Variants in KAZN observed in about 807,000 individuals in gnomAD.
KAZN encodes kazrin.
A neutral mutation model predicts 87.4 loss-of-function variants in KAZN; 40 were observed. The ratio of observed to expected loss-of-function variants is 0.46; its 90% CI spans 0.36 to 0.60. The LOEUF is 0.60. KAZN is among the 20% of genes least tolerant of loss of function. The probability of loss-of-function intolerance (pLI) is 0.00; values close to 1 mark genes in which losing one functional copy is unlikely to be tolerated. For synonymous variants in KAZN, 466 were observed against 458.3 expected (o/e 1.02, Z -0.22); for missense variants, 898 against 1,073.9 (o/e 0.84, Z 2.29).
At chr1:15,082,049 G>GGTGATGGAGACTCAGGA (rs1553186547) in intron 8 of KAZN, among the ~76,000 whole-genome samples, 3 of 152,202 alleles carry the variant, frequency 2.0e-5, no homozygotes, top group Non-Finnish European at 4.4e-5. Context: ...ACAGGGGACA[G>GGTGATGGAGACTCAGGA]GTGATGGAGA....
At chr1:14,635,787 G>A (rs1679932176) in intron 1 of KAZN, among the ~76,000 whole-genome samples, 1 of 152,214 alleles carries the variant, frequency 6.6e-6, no homozygotes, top group African/African-American at 2.4e-5. Flanking sequence ...CTGATATCCA[G>A]TGGGTGGAGG....
At chr1:14,673,747 T>A (rs914647971) in intron 1 of KAZN, among the ~76,000 whole-genome samples, 2 of 152,212 alleles carry the variant, frequency 1.3e-5, no homozygotes, top group Non-Finnish European at 2.9e-5. Flanking sequence ...ACAAAATCTT[T>A]GCTGAATTCT....
chr1:14,474,133 T>C (rs1177262199), intron 2 of KAZN, among the ~76,000 whole-genome samples: 1 of 152,124 alleles, frequency 6.6e-6, no homozygotes, highest in Non-Finnish European at 1.5e-5. Flanking sequence ...GAGAACCTCC[T>C]AGAAGGTAGT....
At chr1:14,446,204 A>G (rs1219674955) in intron 2 of KAZN, among the ~76,000 whole-genome samples, 1 of 152,128 alleles carries the variant, frequency 6.6e-6, no homozygotes, top group Non-Finnish European at 1.5e-5. Flanking sequence ...TCAGAAAACA[A>G]AAAAAGAATT....
At chr1:14,141,371 G>C (rs1645233961) in intron 1 of KAZN, among the ~76,000 whole-genome samples, 1 of 151,992 alleles carries the variant, frequency 6.6e-6, no homozygotes, top group Non-Finnish European at 1.5e-5. Flanking sequence ...GAGCACAGAG[G>C]TTCCCGACGC....
chr1:14,268,671 T>C (rs978150324), intron 2 of KAZN, among the ~76,000 whole-genome samples: 4 of 152,168 alleles, frequency 2.6e-5, no homozygotes, highest in Non-Finnish European at 4.4e-5. Context: ...ATGATATATA[T>C]GTATATATGC....
intron 1 of KAZN, among the ~76,000 whole-genome samples, chr1:13,900,847 G>A (rs1639221011): frequency 6.6e-6 from 1 of 152,148 alleles, no homozygotes. Flanking sequence ...TGTGTAAAAT[G>A]TTTTTCACAG....
At chr1:14,694,534 C>T (rs957939558) in intron 1 of KAZN, among the ~76,000 whole-genome samples, 2 of 152,108 alleles carry the variant, frequency 1.3e-5, no homozygotes, top group South Asian at 2.1e-4. Flanking sequence ...TGCAAGGTGC[C>T]ACAGACACAA....
intron 1 of KAZN, among the ~76,000 whole-genome samples, chr1:14,035,046 G>T (rs796421020): frequency 6.6e-6 from 1 of 152,108 alleles, no homozygotes; most frequent in Admixed American, 6.6e-5. Flanking sequence ...CCTCAGTTTG[G>T]CATTCCCTTT....
intron 1 of KAZN, among the ~76,000 whole-genome samples, chr1:14,865,714 T>C (rs1000335127): frequency 3.3e-5 from 5 of 152,218 alleles, no homozygotes; most frequent in Non-Finnish European, 7.3e-5. Flanking sequence ...CCTGGAATGA[T>C]AGAACATGAC....
chr1:13,951,436 G>A (rs566936463), intron 1 of KAZN, among the ~76,000 whole-genome samples: 2 of 152,242 alleles, frequency 1.3e-5, no homozygotes, highest in East Asian at 3.9e-4. Flanking sequence ...ACTTCCTGGT[G>A]AGCTCAGGAT....
At chr1:14,654,440 C>A (rs556975359) in intron 1 of KAZN, among the ~76,000 whole-genome samples, 1 of 152,232 alleles carries the variant, frequency 6.6e-6, no homozygotes, top group Admixed American at 6.5e-5. Context: ...CCCTAAATCC[C>A]CCCGCTGCCT....
chr1:14,040,355 C>G (rs546976579), intron 1 of KAZN, among the ~76,000 whole-genome samples: 2 of 152,124 alleles, frequency 1.3e-5, no homozygotes, highest in African/African-American at 2.4e-5. Context: ...CTTCAGATCT[C>G]CCGTGTATGT....
At chr1:14,745,602 CG>C (rs1644243101) in intron 1 of KAZN, among the ~76,000 whole-genome samples, 1 of 152,060 alleles carries the variant, frequency 6.6e-6, no homozygotes, top group Non-Finnish European at 1.5e-5. Context: ...CACTGCTTCT[CG>C]GGGCTATACA....
chr1:14,574,414 A>G (rs1675054542), intron 2 of KAZN, among the ~76,000 whole-genome samples: 1 of 152,184 alleles, frequency 6.6e-6, no homozygotes, highest in Non-Finnish European at 1.5e-5. Flanking sequence ...ACCCAGTGGA[A>G]GATAATAGAA....
intron 1 of KAZN, among the ~76,000 whole-genome samples, chr1:14,610,955 G>T (rs1289360772): frequency 6.6e-6 from 1 of 152,162 alleles, no homozygotes; most frequent in Non-Finnish European, 1.5e-5. Flanking sequence ...TGGTTGTTTA[G>T]ATGCCTGTGG....
intron 1 of KAZN, among the ~76,000 whole-genome samples, chr1:14,127,988 C>T (rs1470620428): frequency 6.6e-6 from 1 of 152,146 alleles, no homozygotes; most frequent in Non-Finnish European, 1.5e-5. Context: ...AAGAGGGAGT[C>T]AGAGTCCAAG....
chr1:14,356,098 CCTGA>C (rs1571377208), intron 2 of KAZN, among the ~76,000 whole-genome samples: 1 of 152,150 alleles, frequency 6.6e-6, no homozygotes, highest in Non-Finnish European at 1.5e-5. Context: ...TCTGTTGTTT[CCTGA>C]CTTTTTAATG....
intron 2 of KAZN, among the ~76,000 whole-genome samples, chr1:14,260,068 G>A (rs191807645): frequency 1.1e-4 from 17 of 152,024 alleles, no homozygotes; most frequent in African/African-American, 2.2e-4. Flanking sequence ...TCCTGAAGTC[G>A]GTCTTCCTTG....
Sources: allele counts gnomAD v4.1 joint callset (sites outside exome capture counted in the v4.1 genomes callset), GRCh38; gene constraint gnomAD v4.1.1; transcripts MANE v1.5; gene names NCBI Gene and HGNC (gene_info 2026-07-23, HGNC 2026-07-21).